C7: variants seen among roughly 807,000 people sequenced by gnomAD.
The protein encoded by C7 is complement C7.
Under a neutral mutation model 104.8 loss-of-function variants are expected in C7, and 83 were observed. The observed-to-expected ratio is 0.79, with a 90% CI of 0.66 to 0.95. The LOEUF (loss-of-function observed/expected upper bound fraction) is 0.95, where lower values mean the gene tolerates loss of function less well. Among genes scored for constraint, C7 ranks in the 40% least tolerant of loss-of-function variants. The pLI is 0.00. For missense variants in C7, 1,070 were observed against 1,011.2 expected (o/e 1.06, Z -0.79); for synonymous variants, 415 against 360.6 (o/e 1.15, Z -1.71).
At position 40,972,389 on chromosome 5, in the gene C7, T is replaced by G; in HGVS notation, c.1883-14T>G. ...GAGCAACGACCCTTATATTTTGCTC[T>G]CTTTTATCTTTAGAAATTGCCTGTG... On this transcript the variant is annotated splice_polypyrimidine_tract_variant and intron_variant, in intron 14 of 17. Coordinates refer to ENST00000313164, the MANE Select transcript of C7 (RefSeq NM_000587.4). The G allele has an allele frequency of 6.2e-7, 1 of 1,612,762 alleles. No homozygotes were observed. The highest frequency in any genetic ancestry group is 8.5e-7 in the Non-Finnish European group (1 of 1,178,992).
Position 40,981,714 on chromosome 5 carries a change from T to G in C7, c.*141T>G. ...CCTCCTCAACTCCCAGCCATCTGTATAAACACAATCCTTTGTTCTCCCAAA... is the reference window on the plus strand; with the variant it reads ...CCTCCTCAACTCCCAGCCATCTGTAGAAACACAATCCTTTGTTCTCCCAAA... On this transcript the variant is annotated 3_prime_UTR_variant, in exon 18 of 18. Coordinates refer to ENST00000313164, the MANE Select transcript of C7 (RefSeq NM_000587.4). The G allele has an allele frequency of 1.6e-6, 1 of 644,248 alleles. No homozygotes were observed. The highest frequency in any genetic ancestry group is 2.6e-6 in the Non-Finnish European group (1 of 384,638). The allele number at this position is 644,248 out of a possible 1,614,324, so 39.9% of individuals were successfully genotyped here.
intron 12 of C7, among the ~76,000 whole-genome samples, chr5:40,960,783 C>T (rs1740403618): frequency 6.6e-6 from 1 of 152,150 alleles, no homozygotes; most frequent in Non-Finnish European, 1.5e-5. Flanking sequence ...ATTTGTACTG[C>T]TTTCTCTCAG....
At chr5:40,924,179 A>G (rs1242972987) in intron 1 of C7, among the ~76,000 whole-genome samples, 1 of 152,100 alleles carries the variant, frequency 6.6e-6, no homozygotes, top group Non-Finnish European at 1.5e-5. Flanking sequence ...CATTGGGTAA[A>G]CTCTCCTTTC....
chr5:40,957,759 T>C (rs1400172197), intron 10 of C7, among the ~76,000 whole-genome samples: 3 of 51,448 alleles, frequency 5.8e-5, no homozygotes, highest in Non-Finnish European at 8.5e-5. Flanking sequence ...CCTGGGCTGG[T>C]TTTTTTTTGT....
chr5:40,976,278 C>A (rs1209412856), intron 15 of C7, among the ~76,000 whole-genome samples: 2 of 152,152 alleles, frequency 1.3e-5, no homozygotes, highest in Non-Finnish European at 2.9e-5. Context: ...GCACAGCAGG[C>A]AGAATGCAGT....
chr5:40,930,234 C>T (rs535238756), intron 2 of C7, among the ~76,000 whole-genome samples: 126 of 128,616 alleles, frequency 9.8e-4, no homozygotes, highest in Admixed American at 1.8e-3. Flanking sequence ...GAGATGGAGT[C>T]GCCCTCTGTC....
At chr5:40,946,399 G>C (rs1380939002) in intron 7 of C7, among the ~76,000 whole-genome samples, 1 of 152,100 alleles carries the variant, frequency 6.6e-6, no homozygotes, top group African/African-American at 2.4e-5. Flanking sequence ...AATCACTTAG[G>C]AAAATATAAG....
At chr5:40,944,450 G>A (rs569262635) in intron 6 of C7, among the ~76,000 whole-genome samples, 1 of 152,294 alleles carries the variant, frequency 6.6e-6, no homozygotes, top group East Asian at 1.9e-4. Context: ...GTCCCTTTTA[G>A]ACAGGGTACG....
chr5:40,923,676 G>A (rs948342595), intron 1 of C7, among the ~76,000 whole-genome samples: 2 of 152,016 alleles, frequency 1.3e-5, no homozygotes, highest in African/African-American at 2.4e-5. Flanking sequence ...AACCCAGGGG[G>A]TGGAGGTTGC....
At chr5:40,914,050 A>G (rs1254123133) in intron 1 of C7, among the ~76,000 whole-genome samples, 1 of 152,082 alleles carries the variant, frequency 6.6e-6, no homozygotes, top group Non-Finnish European at 1.5e-5. Flanking sequence ...GCTGGTCTCA[A>G]ACTTCTGGCT....
At chr5:40,910,477 G>A (rs188911239) in intron 1 of C7, among the ~76,000 whole-genome samples, 1 of 152,196 alleles carries the variant, frequency 6.6e-6, no homozygotes, top group Admixed American at 6.5e-5. Context: ...GGGGTTAGAG[G>A]AGGAGCAAGA....
At chr5:40,934,974 T>C (rs954635647) in intron 4 of C7, among the ~76,000 whole-genome samples, 1 of 152,198 alleles carries the variant, frequency 6.6e-6, no homozygotes, top group Non-Finnish European at 1.5e-5. Flanking sequence ...TGTAACAACA[T>C]TTAGTAAACA....
intron 9 of C7, among the ~76,000 whole-genome samples, chr5:40,954,293 A>G (rs941753608): frequency 1.3e-5 from 2 of 152,170 alleles, no homozygotes; most frequent in African/African-American, 4.8e-5. Flanking sequence ...CCCATTTCCT[A>G]TATACAATTA....
intron 6 of C7, 101 bp downstream of exon 6, chr5:40,937,791 A>G: frequency 1.1e-6 from 1 of 945,374 alleles, no homozygotes; most frequent in South Asian, 2.2e-5. Context: ...TTATGGCCTA[A>G]TGTGTGGTCA....
At chr5:40,915,751 T>C (rs1579834708) in intron 1 of C7, among the ~76,000 whole-genome samples, 2 of 152,178 alleles carry the variant, frequency 1.3e-5, no homozygotes, top group East Asian at 3.8e-4. Context: ...TCAGATATGC[T>C]AATCAGCACA....
chr5:40,941,117 G>A (rs1315387824), intron 6 of C7, among the ~76,000 whole-genome samples: 2 of 150,604 alleles, frequency 1.3e-5, no homozygotes, highest in South Asian at 2.1e-4. Context: ...AGGCTGGAGT[G>A]CAGTCGTGTG....
chr5:40,917,527 T>C (rs913501025), intron 1 of C7, among the ~76,000 whole-genome samples: 5 of 152,184 alleles, frequency 3.3e-5, no homozygotes, highest in Non-Finnish European at 7.3e-5. Flanking sequence ...CCCTTATCCT[T>C]TGATGGACAC....
intron 1 of C7, among the ~76,000 whole-genome samples, chr5:40,919,072 AG>A (rs1021931246): frequency 6.6e-6 from 1 of 151,470 alleles, no homozygotes; most frequent in Non-Finnish European, 1.5e-5. Flanking sequence ...ATAACATTTT[AG>A]GGGGAAAAAC....
Position 40,973,203 on chromosome 5 carries a change from G to A in C7, c.2074+609G>A, listed in dbSNP as rs147396497. ...AAGAACCTAAGGTAGAAAGGATTTA[G>A]AAAGCCAAATTATTTCTTTTTAGAG... On this transcript the variant is annotated intron_variant, in intron 15 of 17. Coordinates refer to ENST00000313164, the MANE Select transcript of C7 (RefSeq NM_000587.4). Among the ~76,000 whole-genome samples, 512 of 152,226 alleles carry A rather than the reference G, an allele frequency of 3.4e-3. 3 individuals carry two copies. Among genetic ancestry groups the A allele is most frequent in the African/African-American group, 0.012 (493 of 41,544 alleles).
Sources: allele counts gnomAD v4.1 joint callset (sites outside exome capture counted in the v4.1 genomes callset), GRCh38; gene constraint gnomAD v4.1.1; transcripts MANE v1.5; gene names NCBI Gene and HGNC (gene_info 2026-07-23, HGNC 2026-07-21).